Variants in GAS2 observed in about 807,000 individuals in gnomAD.
The protein encoded by GAS2 is growth arrest specific 2, also known as growth arrest-specific protein 2.
Under a neutral mutation model 37.5 loss-of-function variants are expected in GAS2, and 20 were observed. That is an observed-to-expected ratio of 0.53 (90% CI 0.37 to 0.77). The LOEUF (loss-of-function observed/expected upper bound fraction) is 0.77. GAS2 is among the 30% of genes least tolerant of loss of function. GAS2 has a pLI of 0.00. For synonymous variants in GAS2, 144 were observed against 132.2 expected, an observed-to-expected ratio of 1.09 and a Z score of -0.61; for missense variants, 336 against 373.4, an observed-to-expected ratio of 0.90 and a Z score of 0.82.
intron 1 of GAS2, among the ~76,000 whole-genome samples, chr11:22,633,919 T>C (rs1858782682): frequency 6.6e-6 from 1 of 152,122 alleles, no homozygotes; most frequent in Non-Finnish European, 1.5e-5. Flanking sequence ...CACCCGAAAG[T>C]GTTCCAGGAA....
intron 3 of GAS2, among the ~76,000 whole-genome samples, chr11:22,711,833 A>G (rs1382136825): frequency 4.6e-5 from 7 of 152,088 alleles, no homozygotes; most frequent in Admixed American, 4.6e-4. Context: ...AAAAACCCCC[A>G]CAGTGGCTGC....
intron 3 of GAS2, among the ~76,000 whole-genome samples, chr11:22,702,033 A>C (rs1049228774): frequency 2.6e-5 from 4 of 152,186 alleles, no homozygotes; most frequent in Non-Finnish European, 2.9e-5. Flanking sequence ...ATACTAATTA[A>C]TAATAAAAAT....
At chr11:22,777,714 T>G (rs1191209585) in intron 7 of GAS2, among the ~76,000 whole-genome samples, 1 of 152,256 alleles carries the variant, frequency 6.6e-6, no homozygotes, top group East Asian at 1.9e-4. Flanking sequence ...GCAGGAATAA[T>G]GTAAGAAAGG....
chr11:22,743,029 A>G (rs1180143536), intron 5 of GAS2, among the ~76,000 whole-genome samples: 1 of 152,108 alleles, frequency 6.6e-6, no homozygotes, highest in Non-Finnish European at 1.5e-5. Flanking sequence ...ACATAACCAA[A>G]TTTTATAGCT....
intron 7 of GAS2, among the ~76,000 whole-genome samples, chr11:22,759,768 G>T (rs192589158): frequency 2.4e-4 from 37 of 152,280 alleles, no homozygotes; most frequent in Admixed American, 1.0e-3. Flanking sequence ...AATGTAAATA[G>T]GTGGATCTCA....
chr11:22,749,553 T>G (rs1416750951), intron 6 of GAS2, among the ~76,000 whole-genome samples: 1 of 152,046 alleles, frequency 6.6e-6, no homozygotes, highest in African/African-American at 2.4e-5. Flanking sequence ...TCTTTGTCAC[T>G]GGATCACCAT....
At chr11:22,707,792 T>C (rs758616608) in intron 3 of GAS2, among the ~76,000 whole-genome samples, 1 of 152,180 alleles carries the variant, frequency 6.6e-6, no homozygotes, top group Non-Finnish European at 1.5e-5. Context: ...GCACATGGAC[T>C]GGTGAAGCTC....
chr11:22,689,476 A>T (rs1266772661), intron 3 of GAS2, among the ~76,000 whole-genome samples: 2 of 152,160 alleles, frequency 1.3e-5, no homozygotes, highest in East Asian at 3.9e-4. Context: ...ACTGTATGAA[A>T]AGTGCAAAGA....
At chr11:22,811,389 T>C (rs1857156951) in intron 7 of GAS2, among the ~76,000 whole-genome samples, 1 of 152,174 alleles carries the variant, frequency 6.6e-6, no homozygotes, top group South Asian at 2.1e-4. Context: ...TAGCAGACAT[T>C]TCCATGGTCC....
chr11:22,653,999 C>T (rs1344350979), intron 1 of GAS2, among the ~76,000 whole-genome samples: 2 of 152,188 alleles, frequency 1.3e-5, no homozygotes, highest in African/African-American at 2.4e-5. Context: ...ACACCAGGCA[C>T]CAGATATGTG....
intron 7 of GAS2, among the ~76,000 whole-genome samples, chr11:22,803,864 G>C (rs1012845309): frequency 2.6e-5 from 4 of 151,990 alleles, no homozygotes; most frequent in African/African-American, 4.8e-5. Flanking sequence ...ATGTAACTGT[G>C]AAATCATGTA....
chr11:22,683,401 A>G (rs400869), intron 2 of GAS2, among the ~76,000 whole-genome samples: 55,553 of 151,496 alleles, frequency 0.37, 11,105 homozygotes, highest in African/African-American at 0.55. Flanking sequence ...AAGTAGCTGG[A>G]ATTACAGGCA....
chr11:22,715,618 G>T (rs1028203930), intron 3 of GAS2, among the ~76,000 whole-genome samples: 4 of 151,848 alleles, frequency 2.6e-5, no homozygotes, highest in Non-Finnish European at 4.4e-5. Context: ...TAAATTCCTG[G>T]AAATATACAA....
chr11:22,783,593 A>C (rs1308471863), intron 7 of GAS2, among the ~76,000 whole-genome samples: 1 of 152,088 alleles, frequency 6.6e-6, no homozygotes, highest in African/African-American at 2.4e-5. Flanking sequence ...GTGACTTTTG[A>C]AGTAGTTTGT....
At chr11:22,629,776 G>A (rs1179160585) in intron 1 of GAS2, among the ~76,000 whole-genome samples, 2 of 152,082 alleles carry the variant, frequency 1.3e-5, no homozygotes, top group African/African-American at 4.8e-5. Context: ...TTGCTCTGAT[G>A]AATATTTCAT....
chr11:22,655,004 C>T (rs116259004), intron 1 of GAS2, among the ~76,000 whole-genome samples: 2,218 of 152,224 alleles, frequency 0.015, 52 homozygotes, highest in African/African-American at 0.051. Flanking sequence ...CCTTAGTTTC[C>T]ACCTTAAGTC....
In GAS2 at chr11:22,697,424, C is replaced by T. The variant is rs867578330; in HGVS notation, c.267+11635C>T. Among the ~76,000 whole-genome samples, 45 of 152,180 alleles carry T rather than the reference C, an allele frequency of 3.0e-4. 1 individual carries two copies. Among genetic ancestry groups the T allele is most frequent in the Admixed American group, 1.8e-3 (27 of 15,268 alleles). On this transcript the variant is annotated intron_variant, in intron 3 of 7. Transcript: ENST00000454584. ...TTGGCTTAGGATTGACTTGGCGATG[C>T]GGGCTCTTTTTTGGTTGCATATGAA...
At chr11:22,765,922 A>G (rs1854667809) in intron 7 of GAS2, among the ~76,000 whole-genome samples, 1 of 152,178 alleles carries the variant, frequency 6.6e-6, no homozygotes, top group Non-Finnish European at 1.5e-5. Context: ...TGGAAGAAAA[A>G]GAGGGAGCAG....
chr11:22,811,775 C>A (rs1410511357), intron 7 of GAS2, 23 bp from the exon 8 acceptor site: 1 of 1,606,634 alleles, frequency 6.2e-7, no homozygotes, highest in Non-Finnish European at 8.5e-7. Context: ...GAATTTAACA[C>A]TTTTGATATT....
Sources: gnomAD v4.1 joint callset for allele counts (sites outside exome capture counted in the v4.1 genomes callset) on GRCh38, gnomAD v4.1.1 for gene constraint, MANE v1.5 for transcripts, NCBI Gene and HGNC (gene_info 2026-07-23, HGNC 2026-07-21) for gene names.